The following SLC49A4 variants were observed in gnomAD, a reference collection of about 807,000 sequenced individuals.
SLC49A4 encodes disrupted in renal cancer protein 2.
Under a neutral mutation model 50.6 loss-of-function variants are expected in SLC49A4, and 36 were observed. That is an observed-to-expected ratio of 0.71 (90% CI 0.55 to 0.94). The LOEUF (loss-of-function observed/expected upper bound fraction) is 0.94. Among genes scored for constraint, SLC49A4 ranks in the 40% least tolerant of loss-of-function variants. The pLI is 0.00. For synonymous variants in SLC49A4, 248 were observed against 241.2 expected, an observed-to-expected ratio of 1.03 and a Z score of -0.26; for missense variants, 503 against 605.7, an observed-to-expected ratio of 0.83 and a Z score of 1.78.
intron 3 of SLC49A4, among the ~76,000 whole-genome samples, chr3:122,827,662 C>T (rs914173705): frequency 1.3e-5 from 2 of 152,178 alleles, no homozygotes; most frequent in Non-Finnish European, 2.9e-5. Flanking sequence ...TAGATATAGC[C>T]CCTCTCTCTA....
chr3:122,805,434 C>T (rs1936204240), intron 1 of SLC49A4, among the ~76,000 whole-genome samples: 1 of 152,142 alleles, frequency 6.6e-6, no homozygotes, highest in African/African-American at 2.4e-5. Context: ...TGTTGACTTT[C>T]AATTTTCTTC....
chr3:122,832,934 A>G (rs1576299743), intron 3 of SLC49A4, among the ~76,000 whole-genome samples: 1 of 152,200 alleles, frequency 6.6e-6, no homozygotes, highest in African/African-American at 2.4e-5. Flanking sequence ...AGATAAATAA[A>G]TACCTGAGAG....
intron 1 of SLC49A4, among the ~76,000 whole-genome samples, chr3:122,803,581 G>A (rs1318180811): frequency 1.3e-5 from 2 of 152,224 alleles, no homozygotes; most frequent in African/African-American, 2.4e-5. Context: ...CAGGGAAAAG[G>A]GGATCTGCCC....
At chr3:122,806,288 T>G (rs747304746) in intron 1 of SLC49A4, among the ~76,000 whole-genome samples, 17 of 152,202 alleles carry the variant, frequency 1.1e-4, no homozygotes, top group Admixed American at 3.9e-4. Flanking sequence ...TTTTAGACAT[T>G]CCTTTTGAAA....
At position 122,795,343 on chromosome 3, in the gene SLC49A4, C is replaced by A. The variant is rs1030343099; in HGVS notation, c.151C>A (p.Arg51Ser). 1 of 1,561,384 alleles carries A rather than the reference C, an allele frequency of 6.4e-7. No individual in the cohort carries two copies. The highest frequency in any genetic ancestry group is 8.6e-7 in the Non-Finnish European group (1 of 1,162,098). Residue 51 changes from arginine (R) to serine (S), a missense_variant, in exon 1 of 9, where the codon CGC becomes AGC. By Grantham distance (110) the Arg-to-Ser change is moderately radical (BLOSUM62 -1). Coordinates refer to ENST00000261038, the MANE Select transcript of SLC49A4 (RefSeq NM_032839.3). ...VPGPGRVYGR[R>S]WLVLLLFSLL... Reference sequence around the variant, plus strand: ...GGGTCCCGGGCGGGTATACGGGCGCCGCTGGCTGGTGCTGCTGCTCTTCTC... The same window carrying A: ...GGGTCCCGGGCGGGTATACGGGCGCAGCTGGCTGGTGCTGCTGCTCTTCTC...
chr3:122,825,958 G>A (rs1936520120), intron 2 of SLC49A4, among the ~76,000 whole-genome samples: 1 of 152,134 alleles, frequency 6.6e-6, no homozygotes, highest in Non-Finnish European at 1.5e-5. Flanking sequence ...AAATGGAATG[G>A]AAAAAAGAAA....
chr3:122,844,914 A>G (rs2107573542), intron 4 of SLC49A4, among the ~76,000 whole-genome samples: 1 of 152,252 alleles, frequency 6.6e-6, no homozygotes, highest in East Asian at 1.9e-4. Flanking sequence ...TATTGTACAT[A>G]TATGTGTATA....
At chr3:122,811,257 C>T (rs1475373092) in intron 2 of SLC49A4, among the ~76,000 whole-genome samples, 3 of 152,200 alleles carry the variant, frequency 2.0e-5, no homozygotes, top group African/African-American at 7.2e-5. Context: ...CAAGCAATTA[C>T]AGAAGTTGAA....
At chr3:122,847,383 T>C (rs1656189134) in intron 5 of SLC49A4, among the ~76,000 whole-genome samples, 1 of 149,886 alleles carries the variant, frequency 6.7e-6, no homozygotes, top group Non-Finnish European at 1.5e-5. Context: ...AGTCTCGCTC[T>C]GTCGCCCAGG....
At chr3:122,858,983 A>G (rs1011783405) in intron 6 of SLC49A4, among the ~76,000 whole-genome samples, 3 of 152,242 alleles carry the variant, frequency 2.0e-5, no homozygotes, top group African/African-American at 7.2e-5. Context: ...TAGAAGAATA[A>G]TATTCACTAT....
Position 122,811,857 on chromosome 3 carries a change from G to T in SLC49A4, c.437+4907G>T, listed in dbSNP as rs374101466. ...GAAAAAAATGGGAAGGGTATCATTG[G>T]TTTTTTCTGGGAAGAGCATCTGAGG... On this transcript the variant is annotated intron_variant, in intron 2 of 8. Transcript: ENST00000261038. 1.2e-4 allele frequency among the ~76,000 whole-genome samples: 19 copies of T among 152,320 alleles called. No individual in the cohort carries two copies. In the South Asian group the frequency reaches 3.5e-3, roughly 28 times the overall value.
chr3:122,812,482 C>A (rs1438706827), intron 2 of SLC49A4, among the ~76,000 whole-genome samples: 1 of 152,178 alleles, frequency 6.6e-6, no homozygotes, highest in East Asian at 1.9e-4. Flanking sequence ...TCTAAAATAT[C>A]ATTCACAGAT....
At chr3:122,799,606 C>T (rs1936101739) in intron 1 of SLC49A4, among the ~76,000 whole-genome samples, 2 of 152,136 alleles carry the variant, frequency 1.3e-5, no homozygotes, top group African/African-American at 4.8e-5. Flanking sequence ...GGGCTCACTC[C>T]ATTGACGGGC....
intron 1 of SLC49A4, among the ~76,000 whole-genome samples, chr3:122,805,122 G>A (rs1354181789): frequency 6.6e-6 from 1 of 152,028 alleles, no homozygotes; most frequent in Non-Finnish European, 1.5e-5. Flanking sequence ...GTGATTTTAG[G>A]ATATTTATGA....
chr3:122,839,450 C>G (rs1206772389), intron 4 of SLC49A4, among the ~76,000 whole-genome samples: 4 of 152,006 alleles, frequency 2.6e-5, no homozygotes, highest in Admixed American at 2.0e-4. Context: ...AGTAAACAAA[C>G]AGCCCACAGA....
At chr3:122,834,951 G>A (rs1000547537) in intron 4 of SLC49A4, among the ~76,000 whole-genome samples, 2 of 151,966 alleles carry the variant, frequency 1.3e-5, no homozygotes, top group African/African-American at 4.8e-5. Context: ...GAAAATCTAG[G>A]GGAAATGGAT....
At chr3:122,806,709 T>G (rs908713385) in intron 1 of SLC49A4, 148 bp from the exon 2 acceptor site, 5 of 245,454 alleles carry the variant, frequency 2.0e-5, no homozygotes, top group East Asian at 8.6e-5. Context: ...GGGTTCGTTG[T>G]TTTTTTTTTT....
intron 1 of SLC49A4, among the ~76,000 whole-genome samples, chr3:122,797,828 A>G (rs1364543852): frequency 1.3e-5 from 2 of 152,104 alleles, no homozygotes; most frequent in African/African-American, 4.8e-5. Context: ...AAAAAATACA[A>G]AAATTAGCCA....
chr3:122,833,343 T>C lies in SLC49A4; in HGVS notation c.730T>C (p.Ser244Pro). The change falls in exon 4 of 9, where the codon TCT becomes CCT. Residue 244 changes from serine to proline, a missense_variant. Transcript: ENST00000261038. The stretch of plus-strand genomic sequence containing the variant: ...ATTTGGAGTTGTCTGCTTAATATTT[T>C]CTGCAACACTAGCTTATTTCCCACC... ...AEFGVVCLIF[S>P]ATLAYFPPRP... The C allele has an allele frequency of 6.2e-7, 1 of 1,613,598 alleles. No homozygotes were observed. The highest frequency in any genetic ancestry group is 8.5e-7 in the Non-Finnish European group (1 of 1,179,658).
Sources: gnomAD v4.1 joint callset for allele counts (sites outside exome capture counted in the v4.1 genomes callset) on GRCh38, gnomAD v4.1.1 for gene constraint, MANE v1.5 for transcripts, NCBI Gene and HGNC (gene_info 2026-07-23, HGNC 2026-07-21) for gene names.